Variants in LINGO2 observed in about 807,000 individuals in gnomAD.
The protein encoded by LINGO2 is leucine rich repeat and Ig domain containing 2, also known as leucine-rich repeat and immunoglobulin-like domain-containing nogo receptor-interacting protein 2.
In LINGO2, 14 loss-of-function variants were observed where a neutral mutation model predicts 30.6. That is an observed-to-expected ratio of 0.46 (90% confidence interval 0.30 to 0.72). The LOEUF (loss-of-function observed/expected upper bound fraction) is 0.72. LINGO2 is among the 30% of genes least tolerant of loss of function. LINGO2 has a pLI of 0.07. For synonymous variants in LINGO2, 317 were observed against 288.5 expected (o/e 1.10, Z -1.00); for missense variants, 729 against 751.7 (o/e 0.97, Z 0.35).
the LINGO2 span, among the ~76,000 whole-genome samples, chr9:28,834,562 T>C: frequency 2.6e-5 from 4 of 152,182 alleles, no homozygotes; most frequent in Non-Finnish European, 4.4e-5. Flanking sequence ...TCAACAATTA[T>C]AATTAATAAC....
intron 4 of LINGO2, among the ~76,000 whole-genome samples, chr9:28,172,015 T>TAAA (rs1828601870): frequency 3.0e-4 from 1 of 3,330 alleles, no homozygotes. Context: ...AGACTCCGTC[T>TAAA]CAAAAAAAAA....
At chr9:28,691,439 ACC>A in the LINGO2 span, among the ~76,000 whole-genome samples, 1 of 152,114 alleles carries the variant, frequency 6.6e-6, no homozygotes, top group Non-Finnish European at 1.5e-5. Flanking sequence ...GGCATCACTG[ACC>A]CTTACTGTAT....
chr9:28,686,422 G>C, the LINGO2 span, among the ~76,000 whole-genome samples: 2 of 151,888 alleles, frequency 1.3e-5, no homozygotes, highest in Admixed American at 1.3e-4. Flanking sequence ...AATTTTTATG[G>C]CTTTTACTAG....
At chr9:28,912,984 C>T in the LINGO2 span, among the ~76,000 whole-genome samples, 2 of 152,024 alleles carry the variant, frequency 1.3e-5, no homozygotes, top group African/African-American at 4.8e-5. Flanking sequence ...CCTTCTGGCA[C>T]AATAACCAGC....
At chr9:28,954,392 G>A in the LINGO2 span, among the ~76,000 whole-genome samples, 1 of 152,100 alleles carries the variant, frequency 6.6e-6, no homozygotes. Context: ...AGGATATTAA[G>A]ATGGTGTTTA....
Position 28,509,565 on chromosome 9 carries a change from G to A in LINGO2, c.-364-33540C>T, listed in dbSNP as rs941350580. ...CCCCTATCAAAATTTGTATGTTAAA[G>A]CTCTAACTCCCAATGTGACTATATT... On this transcript the variant is annotated intron_variant, in intron 1 of 5. Transcript: ENST00000379992. Among the ~76,000 whole-genome samples, 8 of 152,286 alleles carry A rather than the reference G, an allele frequency of 5.3e-5. No individual in the cohort carries two copies. The East Asian group carries it at 1.2e-3, about 22-fold the overall frequency.
At chr9:28,386,013 A>G (rs1387662062) in intron 2 of LINGO2, among the ~76,000 whole-genome samples, 1 of 152,178 alleles carries the variant, frequency 6.6e-6, no homozygotes, top group Non-Finnish European at 1.5e-5. Context: ...CTTTGAGAGG[A>G]ATATCAACAA....
the LINGO2 span, among the ~76,000 whole-genome samples, chr9:28,799,055 G>C: frequency 6.6e-6 from 1 of 152,120 alleles, no homozygotes; most frequent in African/African-American, 2.4e-5. Context: ...GTATGATCAT[G>C]AGTAGTGAGT....
chr9:28,167,550 C>T (rs1046090653), intron 4 of LINGO2, among the ~76,000 whole-genome samples: 1 of 151,994 alleles, frequency 6.6e-6, no homozygotes, highest in Non-Finnish European at 1.5e-5. Context: ...CCAGCTAATT[C>T]TTTTTTTGTT....
At chr9:28,542,472 C>A (rs571170999) in intron 1 of LINGO2, among the ~76,000 whole-genome samples, 1 of 151,892 alleles carries the variant, frequency 6.6e-6, no homozygotes, top group Non-Finnish European at 1.5e-5. Context: ...TAGTGAATTG[C>A]GGATTTCTTC....
chr9:28,241,293 G>A (rs10812761), intron 4 of LINGO2, among the ~76,000 whole-genome samples: 1,293 of 48,246 alleles, frequency 0.027, 4 homozygotes, highest in African/African-American at 0.032. Flanking sequence ...AAAAAAAAAA[G>A]AAAAAAGAAA....
At chr9:28,081,617 T>C (rs940071873) in intron 4 of LINGO2, among the ~76,000 whole-genome samples, 4 of 152,214 alleles carry the variant, frequency 2.6e-5, no homozygotes, top group Admixed American at 2.6e-4. Context: ...TTGATGGAAA[T>C]CTCAGCTCTG....
chr9:28,945,241 G>T, the LINGO2 span, among the ~76,000 whole-genome samples: 1 of 152,070 alleles, frequency 6.6e-6, no homozygotes, highest in African/African-American at 2.4e-5. Context: ...ATGCTAAACA[G>T]AACTAGAATG....
the LINGO2 span, among the ~76,000 whole-genome samples, chr9:28,753,077 A>C: frequency 1.3e-5 from 2 of 151,754 alleles, no homozygotes; most frequent in Non-Finnish European, 2.9e-5. Context: ...TCAGCCAGAA[A>C]GCTTTTTCAT....
At chr9:28,859,215 T>C in the LINGO2 span, among the ~76,000 whole-genome samples, 1 of 152,074 alleles carries the variant, frequency 6.6e-6, no homozygotes, top group Non-Finnish European at 1.5e-5. Context: ...TAAAGCAAAA[T>C]TGCAGAGATT....
At chr9:28,347,282 G>C (rs1380928072) in intron 3 of LINGO2, among the ~76,000 whole-genome samples, 1 of 152,122 alleles carries the variant, frequency 6.6e-6, no homozygotes, top group African/African-American at 2.4e-5. Context: ...TAGTTCCTAT[G>C]ATTAAGGCCC....
intron 2 of LINGO2, among the ~76,000 whole-genome samples, chr9:28,380,714 T>C (rs1013617416): frequency 6.6e-6 from 1 of 152,046 alleles, no homozygotes; most frequent in Non-Finnish European, 1.5e-5. Flanking sequence ...AGAGATAGTA[T>C]AAACAAAGTG....
Position 28,214,862 on chromosome 9 carries a change from CT to C in LINGO2, c.-87+80345del, listed in dbSNP as rs1417754785. On this transcript the variant is annotated intron_variant, in intron 4 of 5. Coordinates refer to ENST00000379992, the Ensembl canonical transcript of LINGO2. ...GAAACAAATCAGCTTATTTCTCAAT[CT>C]TTCTATAAAATGTAATTTAATTATA... is the stretch of plus-strand genomic sequence containing the variant. 2.0e-5 allele frequency among the ~76,000 whole-genome samples: 3 copies of C among 151,594 alleles called. No individual in the cohort carries two copies. The East Asian group carries it at 5.8e-4, about 29-fold the overall frequency.
Position 28,018,965 on chromosome 9 carries a change from C to A in LINGO2, c.-86-6560G>T, listed in dbSNP as rs188187989. Among the ~76,000 whole-genome samples the A allele has an allele frequency of 3.5e-3, 533 of 152,228 alleles. 4 individuals are homozygous for A. The highest frequency in any genetic ancestry group is 0.012 in the African/African-American group (515 of 41,570). The stretch of plus-strand genomic sequence containing the variant: ...ATGTAGCCATAAAATAGAATAAGAT[C>A]ATGTCCTTTGCAGCAACATGAGTGG... On this transcript the variant is annotated intron_variant, in intron 4 of 5. Transcript: ENST00000379992.
Sources: allele counts gnomAD v4.1 joint callset (sites outside exome capture counted in the v4.1 genomes callset), GRCh38; gene constraint gnomAD v4.1.1; transcripts MANE v1.5; gene names NCBI Gene and HGNC (gene_info 2026-07-23, HGNC 2026-07-21).